Variants in CFAP69 observed in about 807,000 individuals in gnomAD.
The protein encoded by CFAP69 is cilia and flagella associated protein 69, also known as cilia- and flagella-associated protein 69.
CFAP69 carries 92 observed loss-of-function variants against 123.0 expected under a neutral mutation model. That is an observed-to-expected ratio of 0.75 (90% CI 0.63 to 0.89). The LOEUF is 0.89. CFAP69 is among the 40% of genes least tolerant of loss of function. The pLI is 0.00. For synonymous variants in CFAP69, 380 were observed against 364.3 expected (o/e 1.04, Z -0.49); for missense variants, 1,067 against 1,096.9 (o/e 0.97, Z 0.39).
chr7:90,285,969 C>T (rs1034916500), intron 13 of CFAP69, among the ~76,000 whole-genome samples: 1 of 152,110 alleles, frequency 6.6e-6, no homozygotes, highest in Non-Finnish European at 1.5e-5. Flanking sequence ...CTTTTCACAG[C>T]CTCTAGGTTA....
intron 4 of CFAP69, among the ~76,000 whole-genome samples, chr7:90,262,810 T>C (rs912174298): frequency 6.6e-6 from 1 of 151,942 alleles, no homozygotes; most frequent in African/African-American, 2.4e-5. Context: ...TAGAAAGGTT[T>C]AGTAGAATTA....
intron 11 of CFAP69, among the ~76,000 whole-genome samples, chr7:90,279,213 C>T (rs1234274510): frequency 2.6e-5 from 4 of 152,058 alleles, no homozygotes; most frequent in South Asian, 2.1e-4. Flanking sequence ...GTCATTACCT[C>T]AGACAAAATT....
chr7:90,286,167 A>C, intron 13 of CFAP69, 114 bp from the exon 14 acceptor site: 2 of 813,246 alleles, frequency 2.5e-6, no homozygotes, highest in Non-Finnish European at 3.6e-6. Context: ...TAAGTAAATA[A>C]AATAAAAGTT....
rs759950094 is a variant in CFAP69 at position 90,271,508 on chromosome 7, T to C, written c.533-18T>C. 6.2e-7 allele frequency: 1 copy of C among 1,602,544 alleles called. No homozygotes were observed. On this transcript the variant is annotated intron_variant, in intron 6 of 22. Coordinates refer to ENST00000389297, the MANE Select transcript of CFAP69 (RefSeq NM_001039706.3). Reference sequence around the variant, plus strand: ...TCTGTGAGATAACTGTATGTATTTATTAATGAATTGTTGTTAGGTTACCAG... The same window carrying C: ...TCTGTGAGATAACTGTATGTATTTACTAATGAATTGTTGTTAGGTTACCAG...
At chr7:90,308,678 A>G (rs1584562743) in intron 21 of CFAP69, among the ~76,000 whole-genome samples, 1 of 152,140 alleles carries the variant, frequency 6.6e-6, no homozygotes, top group Admixed American at 6.5e-5. Flanking sequence ...TCCCAATTCT[A>G]CTTATAAAAT....
chr7:90,282,259 G>C (rs902451744), intron 12 of CFAP69, among the ~76,000 whole-genome samples: 2 of 151,966 alleles, frequency 1.3e-5, no homozygotes, highest in African/African-American at 4.8e-5. Context: ...TGAGATGGGA[G>C]TATTGCTTGA....
intron 18 of CFAP69, 46 bp from the exon 19 acceptor site, chr7:90,304,698 C>T: frequency 6.4e-7 from 1 of 1,571,122 alleles, no homozygotes; most frequent in Non-Finnish European, 8.6e-7. Context: ...TTCTTAGAAT[C>T]ACTTGCTCTG....
rs762690629 is a variant in CFAP69, at chr7:90,288,248, T to C, written c.1671T>C (p.Thr557=). The change falls in exon 15 of 23, where the codon ACT becomes ACC. Residue 557 remains threonine (T), a synonymous_variant. Coordinates refer to ENST00000389297, the MANE Select transcript of CFAP69 (RefSeq NM_001039706.3). ...NHIQRKEIFG[T]EGVDIVLHVM... ...ATCTTAAACAGGAAATTTTCGGAACTGAAGGAGTAGATATCGTTCTTCATG... is the reference window on the plus strand; with the variant it reads ...ATCTTAAACAGGAAATTTTCGGAACCGAAGGAGTAGATATCGTTCTTCATG... 8.7e-6 allele frequency: 14 copies of C among 1,606,850 alleles called. No homozygotes were observed. The African/African-American group carries it at 1.2e-4, about 14-fold the overall frequency.
chr7:90,291,587 A>G (rs1424616989), intron 15 of CFAP69, among the ~76,000 whole-genome samples: 3 of 152,252 alleles, frequency 2.0e-5, no homozygotes, highest in South Asian at 2.1e-4. Context: ...GTTCAAATGC[A>G]TCTGACATTT....
chr7:90,323,081 T>G, the CFAP69 span, among the ~76,000 whole-genome samples: 2 of 152,214 alleles, frequency 1.3e-5, no homozygotes, highest in Admixed American at 1.3e-4. Context: ...CATATGCTTT[T>G]GATGAGACTA....
At chr7:90,302,661 A>G (rs976806480) in intron 17 of CFAP69, 3 of 152,000 alleles carry the variant, frequency 2.0e-5, no homozygotes, top group Non-Finnish European at 4.4e-5. Context: ...TGGGCTCTCT[A>G]TTCTGTTATA....
At chr7:90,248,853 T>C (rs1796625800) in intron 1 of CFAP69, among the ~76,000 whole-genome samples, 1 of 152,208 alleles carries the variant, frequency 6.6e-6, no homozygotes, top group Non-Finnish European at 1.5e-5. Flanking sequence ...TGCTTGCCCT[T>C]TCTGTGTCTG....
intron 9 of CFAP69, among the ~76,000 whole-genome samples, chr7:90,276,774 C>T (rs1297504089): frequency 6.6e-6 from 1 of 152,062 alleles, no homozygotes; most frequent in Admixed American, 6.6e-5. Flanking sequence ...ACCTAATATA[C>T]TTTGGATCCT....
At chr7:90,307,161 CA>C (rs1181983971) in intron 20 of CFAP69, 63 bp downstream of exon 20, 87 of 1,150,792 alleles carry the variant, frequency 7.6e-5, no homozygotes, top group Non-Finnish European at 4.1e-5. Flanking sequence ...CACAAAAATA[CA>C]GTTAGATAGA....
At chr7:90,253,414 G>A (rs889141352) in intron 1 of CFAP69, among the ~76,000 whole-genome samples, 9 of 152,036 alleles carry the variant, frequency 5.9e-5, no homozygotes, top group South Asian at 4.1e-4. Flanking sequence ...TTTTTGAGAC[G>A]GAGTCTCACT....
intron 18 of CFAP69, 61 bp from the exon 19 acceptor site, chr7:90,304,680 TAGA>T (rs1793307704): frequency 5.0e-5 from 65 of 1,291,404 alleles, no homozygotes; most frequent in Middle Eastern, 2.1e-4. Context: ...GATAGATAGA[TAGA>T]TAGATTCTTA....
chr7:90,302,070 A>T (rs1018229441), intron 17 of CFAP69: 4 of 152,228 alleles, frequency 2.6e-5, no homozygotes, highest in Non-Finnish European at 4.4e-5. Flanking sequence ...TTTTTCTAAT[A>T]ATCAGTGATA....
chr7:90,284,746 C>G (rs917530729), intron 13 of CFAP69, among the ~76,000 whole-genome samples: 2 of 152,082 alleles, frequency 1.3e-5, no homozygotes, highest in Non-Finnish European at 2.9e-5. Context: ...GAGACATGGT[C>G]CTGAAATATG....
In CFAP69 at chr7:90,310,171, G is replaced by C. The variant is rs760634783; in HGVS notation, c.2759G>C (p.Gly920Ala). 3.1e-6 allele frequency: 5 copies of C among 1,613,962 alleles called. No homozygotes were observed. Among genetic ancestry groups the C allele is most frequent in the Non-Finnish European group, 4.2e-6 (5 of 1,179,892 alleles). The change falls in exon 23 of 23, where the codon GGA becomes GCA. Residue 920 changes from glycine to alanine, a missense_variant. Transcript: ENST00000389297. Reference protein sequence around the residue: ...DIALKKLPIRGGALQRVKAVK... With the variant: ...DIALKKLPIRAGALQRVKAVK... ...GCTCTTAAAAAACTGCCCATTCGAG[G>C]AGGAGCCTTGCAGAGGGTGAAAGCA... is the stretch of plus-strand genomic sequence containing the variant.
Sources: gnomAD v4.1 joint callset for allele counts (sites outside exome capture counted in the v4.1 genomes callset) on GRCh38, gnomAD v4.1.1 for gene constraint, MANE v1.5 for transcripts, NCBI Gene and HGNC (gene_info 2026-07-23, HGNC 2026-07-21) for gene names.